The following OXCT1 variants were observed in gnomAD, a reference collection of about 807,000 sequenced individuals.
OXCT1 encodes 3-oxoacid CoA-transferase 1.
OXCT1 carries 27 observed loss-of-function variants against 69.6 expected under a neutral mutation model. The observed-to-expected ratio is 0.39, with a 90% CI of 0.29 to 0.54. The LOEUF is 0.54. Ranked by LOEUF, OXCT1 falls within the 20% of genes least tolerant of loss-of-function variation. The probability of loss-of-function intolerance (pLI) is 0.72; values close to 1 mark genes in which losing one functional copy is unlikely to be tolerated. For synonymous variants in OXCT1, 202 were observed against 217.8 expected (o/e 0.93, Z 0.64); for missense variants, 437 against 650.2 (o/e 0.67, Z 3.57).
chr5:41,856,027 G>A (rs1749412290), intron 3 of OXCT1, among the ~76,000 whole-genome samples: 2 of 152,202 alleles, frequency 1.3e-5, no homozygotes, highest in South Asian at 4.1e-4. Flanking sequence ...AACAGCATGT[G>A]GGAGGGGAGA....
At chr5:41,817,429 C>T (rs959801209) in intron 7 of OXCT1, among the ~76,000 whole-genome samples, 1 of 152,256 alleles carries the variant, frequency 6.6e-6, no homozygotes, top group Non-Finnish European at 1.5e-5. Context: ...ACCGTTAAGT[C>T]TATACTAGTT....
Position 41,850,123 on chromosome 5 carries a change from G to A in OXCT1, c.471C>T (p.Thr157=). ...AGGAGVPAFY[T]PTGYGTLVQE... ...GTACCAGGGTCCCATACCCTGTTGG[G>A]GTGTAAAATGCAGGAACTCCAGCCC... Residue 157 remains threonine, a synonymous_variant, in exon 5 of 17, where the codon ACC becomes ACT. Transcript: ENST00000196371. 3 of 1,613,808 alleles carry A rather than the reference G, an allele frequency of 1.9e-6. No individual in the cohort carries two copies. Among genetic ancestry groups the A allele is most frequent in the South Asian group, 1.1e-5 (1 of 91,064 alleles).
intron 3 of OXCT1, chr5:41,853,810 T>C: frequency 1.8e-6 from 1 of 546,342 alleles, no homozygotes; most frequent in South Asian, 1.8e-5. Context: ...GGCAAGGTCT[T>C]GGGCAGTAAG....
intron 7 of OXCT1, among the ~76,000 whole-genome samples, chr5:41,810,085 T>A (rs1561094523): frequency 2.0e-5 from 3 of 147,628 alleles, no homozygotes; most frequent in East Asian, 2.0e-4. Flanking sequence ...GAAAAGAGTT[T>A]AAAAAAAAAA....
chr5:41,792,096 T>C, intron 13 of OXCT1, among the ~76,000 whole-genome samples: 1 of 152,256 alleles, frequency 6.6e-6, no homozygotes, highest in African/African-American at 2.4e-5. Context: ...AGCCACTGCG[T>C]CCGGCCCGCA....
intron 7 of OXCT1, among the ~76,000 whole-genome samples, chr5:41,813,375 T>C (rs1252930624): frequency 1.3e-5 from 2 of 152,080 alleles, no homozygotes; most frequent in African/African-American, 4.8e-5. Flanking sequence ...GGTTTTTATC[T>C]TTTGAGGGCA....
Position 41,862,300 on chromosome 5 carries a change from A to C in OXCT1, c.187+342T>G, listed in dbSNP as rs139243579. ...TCTGAAGGTGTAAGCTTATGAGATT[A>C]ATGCAAACATTTTAAGTTAAAAAAT... On this transcript the variant is annotated intron_variant, in intron 2 of 16. Coordinates refer to ENST00000196371, the MANE Select transcript of OXCT1 (RefSeq NM_000436.4). 3.5e-4 allele frequency among the ~76,000 whole-genome samples: 53 copies of C among 152,318 alleles called. 2 individuals are homozygous for C. The highest frequency in any genetic ancestry group is 1.2e-3 in the African/African-American group (51 of 41,578).
intron 7 of OXCT1, among the ~76,000 whole-genome samples, chr5:41,831,295 A>G (rs1446505974): frequency 6.6e-6 from 1 of 152,156 alleles, no homozygotes; most frequent in African/African-American, 2.4e-5. Context: ...ATTTGGCCCT[A>G]AAAGGCTCCA....
intron 7 of OXCT1, among the ~76,000 whole-genome samples, chr5:41,811,123 G>A (rs1047658320): frequency 1.3e-5 from 2 of 149,350 alleles, no homozygotes; most frequent in East Asian, 2.0e-4. Context: ...AAAAATAAAA[G>A]GGGGAGACAA....
chr5:41,738,043 A>T (rs1375515115), intron 16 of OXCT1, among the ~76,000 whole-genome samples: 1 of 152,216 alleles, frequency 6.6e-6, no homozygotes, highest in Admixed American at 6.5e-5. Context: ...CAACAGAACA[A>T]GACTCCGTCT....
At chr5:41,798,451 G>A (rs1047020817) in intron 11 of OXCT1, among the ~76,000 whole-genome samples, 3 of 152,062 alleles carry the variant, frequency 2.0e-5, no homozygotes, top group African/African-American at 7.2e-5. Context: ...ATGTTTATCA[G>A]CATCCCTGGC....
At position 41,805,498 on chromosome 5, in the gene OXCT1, T is replaced by C. The variant is rs1746631135; in HGVS notation, c.955+69A>G. On this transcript the variant is annotated intron_variant, in intron 9 of 16. Transcript: ENST00000196371. ...GAGATGACTCACTATGCAAGAGGTC[T>C]AATAGCCTGATCAATATGGGAAAAG... is the stretch of plus-strand genomic sequence containing the variant. 4 of 1,000,724 alleles carry C rather than the reference T, an allele frequency of 4.0e-6. No individual in the cohort carries two copies. In the Admixed American group the frequency reaches 6.8e-5, roughly 17 times the overall value. 62.0% of individuals were successfully genotyped at this position (1,000,724 alleles called of 1,614,324 possible).
intron 1 of OXCT1, among the ~76,000 whole-genome samples, chr5:41,868,516 G>A (rs990245510): frequency 2.0e-5 from 3 of 152,158 alleles, no homozygotes; most frequent in African/African-American, 7.2e-5. Flanking sequence ...GAGGTCAGGA[G>A]ATCGAGACCA....
At position 41,741,922 on chromosome 5, in the gene OXCT1, A is replaced by T. The variant is rs183505888; in HGVS notation, c.1420-2431T>A. Among the ~76,000 whole-genome samples, 162 of 152,362 alleles carry T rather than the reference A, an allele frequency of 1.1e-3. 1 individual carries two copies. Among genetic ancestry groups the T allele is most frequent in the Non-Finnish European group, 1.9e-3 (131 of 68,028 alleles). On this transcript the variant is annotated intron_variant, in intron 15 of 16. Coordinates refer to ENST00000196371, the MANE Select transcript of OXCT1 (RefSeq NM_000436.4). ...TCCAAAATGACAATTAAATTTTTTT[A>T]AAATGAACACTTTCTTTGCAGAAAA...
chr5:41,774,756 G>A (rs1177578396), intron 13 of OXCT1, among the ~76,000 whole-genome samples: 3 of 152,022 alleles, frequency 2.0e-5, no homozygotes, highest in African/African-American at 7.2e-5. Context: ...TTAGCCGGGC[G>A]TGGCGGCATG....
chr5:41,840,539 G>T (rs757604219), intron 6 of OXCT1, 28 bp from the exon 7 acceptor site: 5 of 1,538,382 alleles, frequency 3.3e-6, no homozygotes, highest in East Asian at 2.3e-5. Flanking sequence ...ATAAGAAAGT[G>T]GGGGGGAAAA....
chr5:41,772,339 C>A (rs1419005735), intron 13 of OXCT1, among the ~76,000 whole-genome samples: 1 of 147,996 alleles, frequency 6.8e-6, no homozygotes, highest in Non-Finnish European at 1.5e-5. Context: ...CCATCACTGA[C>A]AGGTGGATGA....
chr5:41,782,212 T>C (rs1745439016), intron 13 of OXCT1, among the ~76,000 whole-genome samples: 1 of 151,430 alleles, frequency 6.6e-6, no homozygotes, highest in Non-Finnish European at 1.5e-5. Flanking sequence ...TGATCAGTGA[T>C]GTTGAGCTTT....
At chr5:41,734,783 A>G (rs1742806463) in intron 16 of OXCT1, among the ~76,000 whole-genome samples, 1 of 152,232 alleles carries the variant, frequency 6.6e-6, no homozygotes, top group South Asian at 2.1e-4. Context: ...ACAGTGAAAA[A>G]GCAACCTATG....
Sources: gnomAD v4.1 joint callset for allele counts (sites outside exome capture counted in the v4.1 genomes callset) on GRCh38, gnomAD v4.1.1 for gene constraint, MANE v1.5 for transcripts, NCBI Gene and HGNC (gene_info 2026-07-23, HGNC 2026-07-21) for gene names.